FSTL5: variants seen among roughly 807,000 people sequenced by gnomAD.
FSTL5 encodes the protein follistatin-related protein 5.
In FSTL5, 62 loss-of-function variants were observed where a neutral mutation model predicts 89.1. The observed-to-expected ratio is 0.70, with a 90% CI of 0.57 to 0.86. FSTL5 has a LOEUF of 0.86. Among genes scored for constraint, FSTL5 ranks in the 40% least tolerant of loss-of-function variants. The pLI is 0.00. For missense variants in FSTL5, 1,057 were observed against 1,001.6 expected (o/e 1.06, Z -0.75); for synonymous variants, 383 against 346.2 (o/e 1.11, Z -1.18).
intron 7 of FSTL5, among the ~76,000 whole-genome samples, chr4:161,633,495 C>T (rs939974235): frequency 2.0e-5 from 3 of 151,702 alleles, no homozygotes; most frequent in Non-Finnish European, 2.9e-5. Context: ...TACAGGCACA[C>T]ACCACCACAC....
chr4:162,053,132 G>A (rs1738436071), intron 2 of FSTL5, among the ~76,000 whole-genome samples: 1 of 151,714 alleles, frequency 6.6e-6, no homozygotes, highest in Non-Finnish European at 1.5e-5. Flanking sequence ...AGGAGATATA[G>A]ATTGATACAC....
At chr4:161,752,209 G>C (rs929683705) in intron 6 of FSTL5, among the ~76,000 whole-genome samples, 3 of 150,136 alleles carry the variant, frequency 2.0e-5, no homozygotes, top group African/African-American at 7.4e-5. Flanking sequence ...GTTAAATATA[G>C]ACAGATGATA....
At chr4:161,688,801 A>G (rs760218713) in intron 6 of FSTL5, among the ~76,000 whole-genome samples, 1 of 152,126 alleles carries the variant, frequency 6.6e-6, no homozygotes, top group Admixed American at 6.6e-5. Context: ...AATCAAGACT[A>G]CTACTGCTTG....
chr4:161,976,774 C>G (rs533719215), intron 3 of FSTL5, among the ~76,000 whole-genome samples: 1 of 152,252 alleles, frequency 6.6e-6, no homozygotes, highest in Non-Finnish European at 1.5e-5. Context: ...AGCCATCGCG[C>G]CTGGCCAGGT....
At chr4:161,884,282 T>G (rs922753190) in intron 4 of FSTL5, among the ~76,000 whole-genome samples, 1 of 152,128 alleles carries the variant, frequency 6.6e-6, no homozygotes, top group African/African-American at 2.4e-5. Context: ...GTGATCTGCC[T>G]GCCTCAGCAT....
At chr4:162,159,750 C>T (rs1345145419) in intron 1 of FSTL5, among the ~76,000 whole-genome samples, 2 of 151,946 alleles carry the variant, frequency 1.3e-5, no homozygotes, top group African/African-American at 4.8e-5. Context: ...TATCAGAACT[C>T]ATATTTTTAA....
intron 7 of FSTL5, among the ~76,000 whole-genome samples, chr4:161,629,328 A>G (rs1735419569): frequency 6.6e-6 from 1 of 152,064 alleles, no homozygotes; most frequent in African/African-American, 2.4e-5. Flanking sequence ...AAAATCAATG[A>G]AGTTATAGTA....
intron 3 of FSTL5, among the ~76,000 whole-genome samples, chr4:161,932,503 A>G (rs1467761978): frequency 2.0e-5 from 3 of 151,732 alleles, no homozygotes; most frequent in Admixed American, 6.6e-5. Context: ...TGGCTATCCT[A>G]TAAGAATGTG....
intron 6 of FSTL5, among the ~76,000 whole-genome samples, chr4:161,694,328 G>A (rs1269136314): frequency 6.6e-6 from 1 of 151,934 alleles, no homozygotes; most frequent in Admixed American, 6.6e-5. Flanking sequence ...AGGTACCTTA[G>A]GCTTTGTTAT....
rs1159670469 is a variant in FSTL5, at chr4:161,385,645, TGACTAG to T, written c.*96_*101del. The T allele has an allele frequency of 4.5e-5, 39 of 871,248 alleles. No individual in the cohort carries two copies. The Middle Eastern group carries it at 9.6e-4, about 21-fold the overall frequency. The allele number at this position is 871,248 out of a possible 1,614,324, so 54.0% of individuals were successfully genotyped here. ...TTGGACCAACCAAGTAAATTTTGTT[TGACTAG>T]GATATAAACTTGGAAAGTTAAGTTG... On this transcript the variant is annotated 3_prime_UTR_variant, in exon 16 of 16. Transcript: ENST00000306100.
chr4:161,687,664 C>T (rs1230102566), intron 6 of FSTL5, among the ~76,000 whole-genome samples: 1 of 152,166 alleles, frequency 6.6e-6, no homozygotes, highest in Non-Finnish European at 1.5e-5. Flanking sequence ...GCATATGTGT[C>T]ACCTCAGTGC....
At chr4:161,779,135 T>G (rs1741527943) in intron 4 of FSTL5, among the ~76,000 whole-genome samples, 1 of 152,212 alleles carries the variant, frequency 6.6e-6, no homozygotes, top group Non-Finnish European at 1.5e-5. Context: ...GAGTTTGGGT[T>G]GCCCCACTCA....
chr4:161,390,442 G>A (rs1730784355), intron 15 of FSTL5, among the ~76,000 whole-genome samples: 2 of 152,112 alleles, frequency 1.3e-5, no homozygotes, highest in Admixed American at 6.5e-5. Context: ...CACAAAGCCT[G>A]ATAGAGTCAG....
intron 4 of FSTL5, among the ~76,000 whole-genome samples, chr4:161,814,417 T>C (rs1411167389): frequency 6.6e-6 from 1 of 152,224 alleles, no homozygotes; most frequent in Non-Finnish European, 1.5e-5. Flanking sequence ...CAGTTCTTGA[T>C]ACATTATTGT....
At chr4:161,834,723 G>A (rs1457374420) in intron 4 of FSTL5, among the ~76,000 whole-genome samples, 1 of 151,968 alleles carries the variant, frequency 6.6e-6, no homozygotes, top group Admixed American at 6.6e-5. Flanking sequence ...GGAATAAAAT[G>A]CCTAGGAATC....
chr4:161,936,451 G>T (rs1482688123), intron 3 of FSTL5, among the ~76,000 whole-genome samples: 1 of 152,068 alleles, frequency 6.6e-6, no homozygotes, highest in Non-Finnish European at 1.5e-5. Flanking sequence ...AGAACTGGAG[G>T]AAACAAACAA....
intron 2 of FSTL5, among the ~76,000 whole-genome samples, chr4:162,050,921 C>T (rs554153922): frequency 2.0e-5 from 3 of 151,306 alleles, no homozygotes; most frequent in Non-Finnish European, 3.0e-5. Flanking sequence ...AATAAGAGCA[C>T]AGTAAAAATA....
chr4:162,017,804 G>A (rs945842040), intron 3 of FSTL5, among the ~76,000 whole-genome samples: 1 of 152,238 alleles, frequency 6.6e-6, no homozygotes, highest in East Asian at 1.9e-4. Context: ...TTTATCTCAC[G>A]TAAGTCATGG....
chr4:162,127,324 C>T (rs998808850), intron 1 of FSTL5, among the ~76,000 whole-genome samples: 4 of 152,080 alleles, frequency 2.6e-5, no homozygotes, highest in Non-Finnish European at 4.4e-5. Flanking sequence ...TTTGTAATAG[C>T]CTCAAAGTCT....
Sources: allele counts gnomAD v4.1 joint callset (sites outside exome capture counted in the v4.1 genomes callset), GRCh38; gene constraint gnomAD v4.1.1; transcripts MANE v1.5; gene names NCBI Gene and HGNC (gene_info 2026-07-23, HGNC 2026-07-21).